VAT1L: variants seen among roughly 807,000 people sequenced by gnomAD.
VAT1L encodes the protein vesicle amine transport 1 like.
A neutral mutation model predicts 44.1 loss-of-function variants in VAT1L; 34 were observed. The observed-to-expected ratio is 0.77, with a 90% CI of 0.59 to 1.03. The LOEUF (loss-of-function observed/expected upper bound fraction) is 1.03, where lower values mean the gene tolerates loss of function less well. Ranked by LOEUF, VAT1L falls within the 50% of genes least tolerant of loss-of-function variation. The pLI is 0.00. For missense variants in VAT1L, 615 were observed against 538.8 expected (o/e 1.14, Z -1.40); for synonymous variants, 253 against 202.2 (o/e 1.25, Z -2.13).
chr16:77,867,951 T>C (rs2016992570), intron 4 of VAT1L, among the ~76,000 whole-genome samples: 2 of 152,184 alleles, frequency 1.3e-5, no homozygotes, highest in East Asian at 3.8e-4. Context: ...TCAGACCTTT[T>C]GTTTTTTCAT....
rs965376652 is a variant in VAT1L at position 77,829,727 on chromosome 16, G to A, written c.579+4266G>A. On this transcript the variant is annotated intron_variant, in intron 3 of 8. Coordinates refer to ENST00000302536, the MANE Select transcript of VAT1L (RefSeq NM_020927.3). ...AGTTTTGTTGCCAGTCCCGTTTAAT[G>A]AGCCTTGTTGATAAAGCTGCTATGA... Among the ~76,000 whole-genome samples the A allele has an allele frequency of 3.9e-5, 6 of 152,264 alleles. No individual in the cohort carries two copies. In the South Asian group the frequency reaches 1.0e-3, roughly 26 times the overall value.
Position 77,856,307 on chromosome 16 carries a change from C to T in VAT1L, c.580-6441C>T, listed in dbSNP as rs550619243. 7.9e-5 allele frequency among the ~76,000 whole-genome samples: 12 copies of T among 152,232 alleles called. No homozygotes were observed. In the South Asian group the frequency reaches 2.5e-3, roughly 32 times the overall value. The stretch of plus-strand genomic sequence containing the variant: ...TTTACATTATAGACATTTTCCTAAG[C>T]CATCCATTCTCTGTCCTTACTTAGT... On this transcript the variant is annotated intron_variant, in intron 3 of 8. Coordinates refer to ENST00000302536, the MANE Select transcript of VAT1L (RefSeq NM_020927.3).
chr16:77,816,062 T>C (rs966078947), intron 1 of VAT1L, among the ~76,000 whole-genome samples: 2 of 142,370 alleles, frequency 1.4e-5, no homozygotes, highest in African/African-American at 5.3e-5. Flanking sequence ...GATTAGCAAA[T>C]GGGTGTTAAA....
At chr16:77,935,987 TTC>T (rs1423486349) in intron 7 of VAT1L, among the ~76,000 whole-genome samples, 1 of 152,182 alleles carries the variant, frequency 6.6e-6, no homozygotes, top group East Asian at 1.9e-4. Flanking sequence ...TTCTCTCTCG[TTC>T]TCTTTTTGAC....
At chr16:77,967,995 T>C (rs1053608555) in intron 7 of VAT1L, among the ~76,000 whole-genome samples, 1 of 152,164 alleles carries the variant, frequency 6.6e-6, no homozygotes. Flanking sequence ...TTTGGGTAAA[T>C]TGCTTCTATT....
Position 77,879,187 on chromosome 16 carries a change from C to T in VAT1L, c.845C>T (p.Thr282Ile). ...TTTTCAGGCTCATCCAACATGGTAA[C>T]TGGAGAGACCAAGAGCTTCTTCAGC... ...YILYGSSNMV[T>I]GETKSFFSFA... Residue 282 changes from threonine (T) to isoleucine (I), a missense_variant, in exon 6 of 9, where the codon ACT (threonine) becomes ATT (isoleucine). Thr to Ile is a moderately conservative substitution (Grantham distance 89, BLOSUM62 -1). Transcript: ENST00000302536. The surrounding 1 kb of genome is among the most constrained non-coding windows in gnomAD (Gnocchi z 4.1). 1 of 1,614,206 alleles carries T rather than the reference C, an allele frequency of 6.2e-7. No homozygotes were observed. Among genetic ancestry groups the T allele is most frequent in the Non-Finnish European group, 8.5e-7 (1 of 1,180,024 alleles).
chr16:77,890,327 G>T (rs984614438), intron 7 of VAT1L, among the ~76,000 whole-genome samples: 1 of 152,112 alleles, frequency 6.6e-6, no homozygotes. Context: ...TAGAGGAGAG[G>T]AAGTAAGATT....
intron 3 of VAT1L, among the ~76,000 whole-genome samples, chr16:77,846,835 G>T (rs528518428): frequency 1.0e-3 from 158 of 151,828 alleles, no homozygotes; most frequent in African/African-American, 3.7e-3. Flanking sequence ...AGATAATCAG[G>T]GTATATAGTG....
Position 77,879,499 on chromosome 16 carries a change from CAGG to C in VAT1L, c.882+277_882+279del, listed in dbSNP as rs2017126827. 6.6e-6 allele frequency among the ~76,000 whole-genome samples: 1 copy of C among 152,210 alleles called. No individual in the cohort carries two copies. Among genetic ancestry groups the C allele is most frequent in the African/African-American group, 2.4e-5 (1 of 41,458 alleles). On this transcript the variant is annotated intron_variant, in intron 6 of 8. Transcript: ENST00000302536. The surrounding 1 kb of genome is among the most constrained non-coding windows in gnomAD (Gnocchi z 4.1). ...AGAGACGGGGTTTCACCGTGTTGGC[CAGG>C]ATGGTCTCAATCTGACCTCGTGATC...
chr16:77,849,097 G>A (rs916052924), intron 3 of VAT1L, among the ~76,000 whole-genome samples: 1 of 152,130 alleles, frequency 6.6e-6, no homozygotes, highest in Non-Finnish European at 1.5e-5. Context: ...GTACATGATG[G>A]GTTGATGGGT....
chr16:77,901,568 TCTTA>T (rs1208523328), intron 7 of VAT1L, among the ~76,000 whole-genome samples: 1 of 152,194 alleles, frequency 6.6e-6, no homozygotes, highest in Admixed American at 6.5e-5. Context: ...ATCAAGTGCC[TCTTA>T]CTTAGTCTCC....
At chr16:77,961,353 C>A (rs1385307705) in intron 7 of VAT1L, among the ~76,000 whole-genome samples, 1 of 152,146 alleles carries the variant, frequency 6.6e-6, no homozygotes, top group Non-Finnish European at 1.5e-5. Flanking sequence ...CAAGGGCTTC[C>A]TTCCAGTCTT....
rs75296791 is a variant in VAT1L at position 77,956,962 on chromosome 16, A to G, written c.1078-14888A>G. 4.1e-3 allele frequency among the ~76,000 whole-genome samples: 629 copies of G among 152,310 alleles called. 3 individuals are homozygous for G. The highest frequency in any genetic ancestry group is 0.014 in the African/African-American group (601 of 41,564). On this transcript the variant is annotated intron_variant, in intron 7 of 8. Transcript: ENST00000302536. ...ATCTCAGTTTCCTTAGGTACTAAAA[A>G]TACCACCTATTCCTGCAAACCAGCC... is the stretch of plus-strand genomic sequence containing the variant.
At chr16:77,922,238 C>A (rs553307796) in intron 7 of VAT1L, among the ~76,000 whole-genome samples, 1 of 152,132 alleles carries the variant, frequency 6.6e-6, no homozygotes, top group South Asian at 2.1e-4. Context: ...TCTATGTCTG[C>A]GTGTACAAAT....
chr16:77,876,311 G>C (rs934818000), intron 4 of VAT1L, 59 bp from the exon 5 acceptor site: 4 of 1,417,606 alleles, frequency 2.8e-6, no homozygotes, highest in Non-Finnish European at 3.0e-6. Flanking sequence ...AAAGGAAAGG[G>C]ATTGACAGTC....
intron 7 of VAT1L, among the ~76,000 whole-genome samples, chr16:77,937,267 A>C (rs749616832): frequency 6.6e-6 from 1 of 152,126 alleles, no homozygotes; most frequent in Non-Finnish European, 1.5e-5. Flanking sequence ...TCCTCACGCA[A>C]ATCAGTTGAA....
chr16:77,804,690 C>T (rs1444645499), intron 1 of VAT1L, among the ~76,000 whole-genome samples: 1 of 152,188 alleles, frequency 6.6e-6, no homozygotes, highest in Non-Finnish European at 1.5e-5. Context: ...TCTCCTTCCC[C>T]TTCCATCTTT....
chr16:77,808,204 A>G (rs561240584), intron 1 of VAT1L, among the ~76,000 whole-genome samples: 1 of 152,162 alleles, frequency 6.6e-6, no homozygotes, highest in Non-Finnish European at 1.5e-5. Context: ...TTAGGTTCTC[A>G]TAGGAGCATG....
At chr16:77,799,376 T>C (rs2015999728) in intron 1 of VAT1L, among the ~76,000 whole-genome samples, 1 of 151,824 alleles carries the variant, frequency 6.6e-6, no homozygotes, top group African/African-American at 2.4e-5. Context: ...TGCCTCCCTC[T>C]CTCTCCTCTT....
Sources: gnomAD v4.1 joint callset for allele counts (sites outside exome capture counted in the v4.1 genomes callset) on GRCh38, gnomAD v4.1.1 for gene constraint, Gnocchi (gnomAD v3.1) non-coding constraint, MANE v1.5 for transcripts, NCBI Gene and HGNC (gene_info 2026-07-23, HGNC 2026-07-21) for gene names.